Variants in SARNP observed in about 807,000 individuals in gnomAD.
SARNP encodes the protein SAP domain containing ribonucleoprotein, also known as SAP domain-containing ribonucleoprotein.
In SARNP, 5 loss-of-function variants were observed where a neutral mutation model predicts 38.1. The observed-to-expected ratio is 0.13, with a 90% CI of 0.07 to 0.28. The LOEUF is 0.28. Ranked by LOEUF, SARNP falls within the 10% of genes least tolerant of loss-of-function variation. SARNP has a pLI of 1.00. For synonymous variants in SARNP, 84 were observed against 80.6 expected (o/e 1.04, Z -0.23); for missense variants, 180 against 243.9 (o/e 0.74, Z 1.75).
chr12:55,804,372 T>TG (rs1211480917), intron 1 of SARNP, among the ~76,000 whole-genome samples: 1 of 151,440 alleles, frequency 6.6e-6, no homozygotes, highest in Non-Finnish European at 1.5e-5. Context: ...GGAGAATTGA[T>TG]GGATTATTGA....
intron 9 of SARNP, among the ~76,000 whole-genome samples, chr12:55,768,943 T>C (rs1339401770): frequency 6.6e-6 from 1 of 151,912 alleles, no homozygotes; most frequent in Non-Finnish European, 1.5e-5. Context: ...AGGCTGGTCT[T>C]GAACCTCAAG....
intron 10 of SARNP, among the ~76,000 whole-genome samples, chr12:55,758,620 G>A (rs1379147390): frequency 6.6e-6 from 1 of 152,042 alleles, no homozygotes; most frequent in East Asian, 1.9e-4. Flanking sequence ...ACTCCAGCCT[G>A]GACGACAGAG....
chr12:55,790,533 C>A (rs771831435), intron 8 of SARNP, 34 bp downstream of exon 8: 4 of 1,538,766 alleles, frequency 2.6e-6, no homozygotes, highest in South Asian at 2.5e-5. Flanking sequence ...GAATTAAGAT[C>A]TGGGTGTGTA....
At chr12:55,762,878 ACAC>A (rs1878717709) in intron 9 of SARNP, among the ~76,000 whole-genome samples, 2 of 152,188 alleles carry the variant, frequency 1.3e-5, no homozygotes, top group Non-Finnish European at 2.9e-5. Flanking sequence ...ACCTGTCTGA[ACAC>A]AGCAGGCAGG....
At chr12:55,776,988 G>A (rs1344607931) in intron 9 of SARNP, among the ~76,000 whole-genome samples, 1 of 152,198 alleles carries the variant, frequency 6.6e-6, no homozygotes, top group Non-Finnish European at 1.5e-5. Context: ...TTGTGGCAAA[G>A]ACGAGCAGGG....
At chr12:55,806,595 G>A (rs377083441) in intron 1 of SARNP, among the ~76,000 whole-genome samples, 6 of 152,024 alleles carry the variant, frequency 3.9e-5, no homozygotes, top group South Asian at 2.1e-4. Flanking sequence ...TTCTTGAGAC[G>A]GAGTCTCGCT....
At chr12:55,760,381 T>C (rs1019341883) in intron 10 of SARNP, 170 bp downstream of exon 10, 16 of 561,842 alleles carry the variant, frequency 2.8e-5, no homozygotes, top group African/African-American at 2.8e-4. Flanking sequence ...AAACAGTGTT[T>C]CTCTACTCAG....
intron 9 of SARNP, among the ~76,000 whole-genome samples, chr12:55,775,129 C>T (rs1490689509): frequency 1.9e-4 from 29 of 151,236 alleles, no homozygotes; most frequent in East Asian, 3.9e-4. Context: ...CCTCGTGATC[C>T]GCCTGCCTCA....
chr12:55,765,134 T>G (rs1036106018), intron 9 of SARNP, among the ~76,000 whole-genome samples: 2 of 152,188 alleles, frequency 1.3e-5, no homozygotes, highest in Admixed American at 1.3e-4. Context: ...TTTTTTCCAT[T>G]CAATTTAGCA....
chr12:55,796,114 A>G (rs763160279), intron 4 of SARNP, 38 bp from the exon 5 acceptor site: 4 of 1,434,914 alleles, frequency 2.8e-6, no homozygotes, highest in Non-Finnish European at 3.9e-6. Flanking sequence ...GAGAAAACTG[A>G]TATTCTAAAC....
chr12:55,799,127 A>G (rs1026943897), intron 4 of SARNP, among the ~76,000 whole-genome samples: 2 of 152,242 alleles, frequency 1.3e-5, no homozygotes, highest in East Asian at 3.8e-4. Context: ...AAAATCTTCC[A>G]AAAGTATGTA....
intron 9 of SARNP, among the ~76,000 whole-genome samples, chr12:55,765,059 T>C (rs1878788656): frequency 6.6e-6 from 1 of 152,152 alleles, no homozygotes; most frequent in Non-Finnish European, 1.5e-5. Context: ...GGAAAATAAA[T>C]GGAGCCTCTC....
intron 1 of SARNP, among the ~76,000 whole-genome samples, chr12:55,815,643 T>G (rs1880459256): frequency 6.6e-6 from 1 of 152,132 alleles, no homozygotes; most frequent in African/African-American, 2.4e-5. Context: ...TTTGCATTTT[T>G]GGTAGAGGCG....
At chr12:55,794,744 G>C in intron 6 of SARNP, 63 bp downstream of exon 6, 1 of 964,194 alleles carries the variant, frequency 1.0e-6, no homozygotes, top group Non-Finnish European at 1.6e-6. Flanking sequence ...CTAAAAGCTA[G>C]GATCACACAT....
intron 9 of SARNP, among the ~76,000 whole-genome samples, chr12:55,766,028 G>C (rs1878819475): frequency 6.6e-6 from 1 of 152,086 alleles, no homozygotes; most frequent in African/African-American, 2.4e-5. Flanking sequence ...AAATTACCTC[G>C]ATCAAAACTC....
intron 9 of SARNP, among the ~76,000 whole-genome samples, chr12:55,784,052 A>G (rs1396233623): frequency 6.6e-6 from 1 of 152,216 alleles, no homozygotes; most frequent in Non-Finnish European, 1.5e-5. Context: ...AAGAGAAATC[A>G]GCAAGCACGC....
At chr12:55,817,605 C>G in intron 1 of SARNP, 61 bp downstream of exon 1, 1 of 1,512,108 alleles carries the variant, frequency 6.6e-7, no homozygotes, top group Admixed American at 1.9e-5. Context: ...AAGGCGCAAG[C>G]TACCCTGTAG....
At chr12:55,786,239 T>C (rs781668230) in intron 9 of SARNP, among the ~76,000 whole-genome samples, 1 of 152,206 alleles carries the variant, frequency 6.6e-6, no homozygotes, top group Non-Finnish European at 1.5e-5. Context: ...CTATGAGCTA[T>C]GTAGTAAGAG....
At chr12:55,803,815 A>G in intron 1 of SARNP, 87 bp from the exon 2 acceptor site, 2 of 832,674 alleles carry the variant, frequency 2.4e-6, no homozygotes, top group Non-Finnish European at 3.8e-6. Context: ...AAAAGAAAAA[A>G]AGAAAATGAA....
Sources: allele counts gnomAD v4.1 joint callset (sites outside exome capture counted in the v4.1 genomes callset), GRCh38; gene constraint gnomAD v4.1.1; transcripts MANE v1.5; gene names NCBI Gene and HGNC (gene_info 2026-07-23, HGNC 2026-07-21).